Variants in ATP2B4 observed in about 807,000 individuals in gnomAD.
The protein encoded by ATP2B4 is ATPase plasma membrane Ca2+ transporting 4.
In ATP2B4, 39 loss-of-function variants were observed where a neutral mutation model predicts 110.3. That is an observed-to-expected ratio of 0.35 (90% CI 0.27 to 0.46). ATP2B4 has a LOEUF of 0.46. ATP2B4 is among the 20% of genes least tolerant of loss of function. The pLI, the probability that ATP2B4 is intolerant of heterozygous loss-of-function variation, is 1.00. For synonymous variants in ATP2B4, 538 were observed against 571.7 expected (o/e 0.94, Z 0.84); for missense variants, 1,135 against 1,530.9 (o/e 0.74, Z 4.32).
intron 1 of ATP2B4, among the ~76,000 whole-genome samples, chr1:203,630,609 C>T (rs1663239211): frequency 6.6e-6 from 1 of 152,204 alleles, no homozygotes; most frequent in Admixed American, 6.5e-5. Flanking sequence ...GAACACCCCA[C>T]CCAGAGTCTT....
At chr1:203,628,671 G>T (rs1663164595) in intron 1 of ATP2B4, among the ~76,000 whole-genome samples, 3 of 152,108 alleles carry the variant, frequency 2.0e-5, no homozygotes. Flanking sequence ...TTCTCCACGC[G>T]CTTCCCATTG....
At chr1:203,658,000 C>G (rs1664218225) in intron 1 of ATP2B4, among the ~76,000 whole-genome samples, 1 of 152,090 alleles carries the variant, frequency 6.6e-6, no homozygotes, top group African/African-American at 2.4e-5. Flanking sequence ...CACGGCCGAT[C>G]ATTAGCATTT....
intron 1 of ATP2B4, among the ~76,000 whole-genome samples, chr1:203,680,435 C>T (rs1189329258): frequency 2.6e-5 from 4 of 152,024 alleles, no homozygotes; most frequent in African/African-American, 4.8e-5. Flanking sequence ...CGGTGAAACC[C>T]CGTCTCCACT....
At chr1:203,732,589 C>T (rs1666761489) in intron 20 of ATP2B4, among the ~76,000 whole-genome samples, 1 of 152,106 alleles carries the variant, frequency 6.6e-6, no homozygotes, top group African/African-American at 2.4e-5. Flanking sequence ...TATTTAAACA[C>T]ATGAGTTATT....
At chr1:203,642,175 G>A (rs937716122) in intron 1 of ATP2B4, among the ~76,000 whole-genome samples, 3 of 152,064 alleles carry the variant, frequency 2.0e-5, no homozygotes, top group African/African-American at 7.2e-5. Context: ...TCCAACTCCT[G>A]GGCTCAAGGG....
At chr1:203,685,274 A>G (rs1305691262) in intron 2 of ATP2B4, among the ~76,000 whole-genome samples, 3 of 152,254 alleles carry the variant, frequency 2.0e-5, no homozygotes, top group African/African-American at 7.2e-5. Flanking sequence ...CAAAATGTAG[A>G]AAGAACAAAA....
rs369752357 is a variant in ATP2B4, at chr1:203,710,947, C to T, written c.1870C>T (p.Arg624Cys). The T allele has an allele frequency of 3.9e-5, 63 of 1,613,950 alleles. No individual in the cohort carries two copies. Among genetic ancestry groups the T allele is most frequent in the Admixed American group, 2.3e-4 (14 of 59,984 alleles). Residue 624 changes from arginine (R) to cysteine (C), a missense_variant, in exon 12 of 21, where the codon CGC becomes TGC. By Grantham distance (180) the Arg-to-Cys change is radical. Transcript: ENST00000357681. Reference protein sequence around the residue: ...FKNKDRDDMVRTVIEPMACDG... With the variant: ...FKNKDRDDMVCTVIEPMACDG... ...GAATAAAGACAGAGATGATATGGTA[C>T]GCACTGTCATCGAGCCCATGGCCTG...
chr1:203,728,686 C>T (rs558155760), intron 20 of ATP2B4, among the ~76,000 whole-genome samples: 29 of 151,872 alleles, frequency 1.9e-4, no homozygotes, highest in African/African-American at 5.8e-4. Context: ...GGAGAAACCG[C>T]GTCTCTACTA....
chr1:203,639,476 C>T (rs1354474619), intron 1 of ATP2B4, among the ~76,000 whole-genome samples: 1 of 152,144 alleles, frequency 6.6e-6, no homozygotes, highest in Non-Finnish European at 1.5e-5. Flanking sequence ...TGGTAGTGCT[C>T]TAGGGAGTTT....
chr1:203,656,545 TA>T (rs1664169280), intron 1 of ATP2B4, among the ~76,000 whole-genome samples: 1 of 152,256 alleles, frequency 6.6e-6, no homozygotes, highest in East Asian at 1.9e-4. Flanking sequence ...ACTTTTAGTG[TA>T]AACACTGTAA....
intron 1 of ATP2B4, among the ~76,000 whole-genome samples, chr1:203,671,454 C>A (rs897612805): frequency 5.3e-5 from 8 of 152,224 alleles, no homozygotes; most frequent in African/African-American, 1.9e-4. Context: ...AGCCACCGCA[C>A]CTGCCTCTCC....
intron 19 of ATP2B4, among the ~76,000 whole-genome samples, chr1:203,726,440 T>TA (rs71281156): frequency 2.1e-5 from 3 of 146,168 alleles, no homozygotes; most frequent in Non-Finnish European, 3.0e-5. Flanking sequence ...TTTTTTTTTT[T>TA]ACCAATGGGT....
chr1:203,719,420 C>G (rs1666256546), intron 15 of ATP2B4, among the ~76,000 whole-genome samples: 1 of 151,836 alleles, frequency 6.6e-6, no homozygotes, highest in African/African-American at 2.4e-5. Context: ...AAAGTATAAT[C>G]AAATGCAGTC....
chr1:203,636,386 TTC>T (rs909279821), intron 1 of ATP2B4, among the ~76,000 whole-genome samples: 9 of 152,236 alleles, frequency 5.9e-5, no homozygotes, highest in Non-Finnish European at 4.4e-5. Context: ...CCAGGATGGC[TTC>T]TCTCTCTCTT....
intron 1 of ATP2B4, among the ~76,000 whole-genome samples, chr1:203,639,331 A>G (rs559321469): frequency 1.3e-5 from 2 of 152,340 alleles, no homozygotes; most frequent in Admixed American, 1.3e-4. Flanking sequence ...GCGAGCACAG[A>G]CCATATGCCA....
At chr1:203,638,016 G>A (rs1487027832) in intron 1 of ATP2B4, among the ~76,000 whole-genome samples, 1 of 152,182 alleles carries the variant, frequency 6.6e-6, no homozygotes, top group African/African-American at 2.4e-5. Context: ...AGGGGTCTTA[G>A]TGGGAATGGG....
rs1407579331 is a variant in ATP2B4, at chr1:203,723,457, T to TCTCTCTCC, written c.3025-421_3025-420insTCTCCCTC. Among the ~76,000 whole-genome samples the TCTCTCTCC allele has an allele frequency of 5.5e-4, 63 of 113,568 alleles. 1 individual carries two copies. The highest frequency in any genetic ancestry group is 9.1e-4 in the Non-Finnish European group (52 of 57,206). The allele number at this position is 113,568 out of a possible 152,430, so 74.5% of individuals were successfully genotyped here. The stretch of plus-strand genomic sequence containing the variant: ...CTCTCTCTCTCTCTCTCTCTCTCTC[T>TCTCTCTCC]CTCCCTCTGCCTCTCTCTCTCTCTC... On this transcript the variant is annotated intron_variant, in intron 18 of 20. Transcript: ENST00000357681.
rs552827601 is a variant in ATP2B4 at position 203,694,789 on chromosome 1, G to A, written c.194-3368G>A. The stretch of plus-strand genomic sequence containing the variant: ...AGAGACTAAGAACAGGAGAGGGAGG[G>A]TGGAGGCAAGGAGACCAGTTAGAAG... On this transcript the variant is annotated intron_variant, in intron 2 of 20. Transcript: ENST00000357681. 3.9e-5 allele frequency among the ~76,000 whole-genome samples: 6 copies of A among 152,298 alleles called. No individual in the cohort carries two copies. The South Asian group carries it at 1.2e-3, about 32-fold the overall frequency.
At chr1:203,714,304 T>C in intron 15 of ATP2B4, 27 bp downstream of exon 15, 1 of 1,612,368 alleles carries the variant, frequency 6.2e-7, no homozygotes, top group Non-Finnish European at 8.5e-7. Flanking sequence ...GTCTCTCTGA[T>C]TGCAAGCTGC....
Sources: gnomAD v4.1 joint callset for allele counts (sites outside exome capture counted in the v4.1 genomes callset) on GRCh38, gnomAD v4.1.1 for gene constraint, MANE v1.5 for transcripts, NCBI Gene and HGNC (gene_info 2026-07-23, HGNC 2026-07-21) for gene names.